Variants in OR10Z1 observed in about 807,000 individuals in gnomAD.
The protein encoded by OR10Z1 is olfactory receptor family 10 subfamily Z member 1.
For missense variants in OR10Z1, 468 were observed against 371.0 expected, an observed-to-expected ratio of 1.26 and a Z score of -2.15; for synonymous variants, 187 against 151.2, an observed-to-expected ratio of 1.24 and a Z score of -1.74.
Position 158,612,255 on chromosome 1 carries a change from G to A in OR10Z1, c.*4875G>A, listed in dbSNP as rs552910838. The stretch of plus-strand genomic sequence containing the variant: ...TTGATGACTTGATGAGTTCCTGCAC[G>A]TCCTTCAACACTCACCCTGTGTTAA... On this transcript the variant is annotated 3_prime_UTR_variant, in exon 2 of 2. Coordinates refer to ENST00000641002, the MANE Select transcript of OR10Z1 (RefSeq NM_001004478.2). 1.2e-5 allele frequency: 2 copies of A among 163,090 alleles called. No individual in the cohort carries two copies. The highest frequency in any genetic ancestry group is 2.4e-5 in the African/African-American group (1 of 41,462). 10.1% of individuals were successfully genotyped at this position (163,090 alleles called of 1,614,324 possible).
rs79308545 is a variant in OR10Z1 at position 158,606,535 on chromosome 1, T to C, written c.97T>C (p.Ser33Pro). Residue 33 changes from serine (S) to proline (P), a missense_variant, in exon 2 of 2, where the codon TCT becomes CCT. Coordinates refer to ENST00000641002, the MANE Select transcript of OR10Z1 (RefSeq NM_001004478.2). ...LQLLLFALFLSLYLVTLTSNV... is the reference protein window; with the variant it reads ...LQLLLFALFLPLYLVTLTSNV... ...GCTCCTTCTCTTTGCCTTGTTCCTC[T>C]CTCTGTATCTAGTCACTCTGACCAG... 9.6e-5 allele frequency: 155 copies of C among 1,613,804 alleles called. No homozygotes were observed. The highest frequency in any genetic ancestry group is 1.3e-4 in the Non-Finnish European group (150 of 1,179,876).
Position 158,610,265 on chromosome 1 carries a change from G to A in OR10Z1, c.*2885G>A, listed in dbSNP as rs972569076. On this transcript the variant is annotated 3_prime_UTR_variant, in exon 2 of 2. Coordinates refer to ENST00000641002, the MANE Select transcript of OR10Z1 (RefSeq NM_001004478.2). ...TGGCAACATGAATGGATTGGTAAGT[G>A]GGGACTATTTGTGCAGAACGCTAGC... 2.6e-4 allele frequency: 40 copies of A among 152,110 alleles called. No homozygotes were observed. The highest frequency in any genetic ancestry group is 9.4e-4 in the African/African-American group (39 of 41,424). 9.4% of individuals were successfully genotyped at this position (152,110 alleles called of 1,614,324 possible).
In OR10Z1 at chr1:158,607,005, T is replaced by C. The variant is rs1649071079; in HGVS notation, c.567T>C (p.Cys189=). The C allele has an allele frequency of 6.2e-7, 1 of 1,613,948 alleles. No individual in the cohort carries two copies. The highest frequency in any genetic ancestry group is 1.7e-5 in the Admixed American group (1 of 59,988). ...CDTPPVLSLA[C]GDTGPSELRI... ...CGCCACCTGTGCTGAGCCTAGCCTG[T>C]GGAGATACAGGCCCGAGTGAGCTGA... Residue 189 remains cysteine (C), a synonymous_variant, in exon 2 of 2, where the codon TGT becomes TGC. Transcript: ENST00000641002.
At position 158,607,159 on chromosome 1, in the gene OR10Z1, T is replaced by C; in HGVS notation, c.721T>C (p.Cys241Arg). The C allele has an allele frequency of 1.2e-6, 2 of 1,614,114 alleles. No homozygotes were observed. The highest frequency in any genetic ancestry group is 4.5e-5 in the East Asian group (2 of 44,872). Residue 241 changes from cysteine (C) to arginine (R), a missense_variant, in exon 2 of 2, where the codon TGT becomes CGT. Cys to Arg is a radical substitution (Grantham distance 180). Coordinates refer to ENST00000641002, the MANE Select transcript of OR10Z1 (RefSeq NM_001004478.2). ...GGGGCAGAAGAAGGCCTTCTCCACTTGTGCCTCGCACCTTACAGTGGTCAT... is the reference window on the plus strand; with the variant it reads ...GGGGCAGAAGAAGGCCTTCTCCACTCGTGCCTCGCACCTTACAGTGGTCAT... ...AEGQKKAFST[C>R]ASHLTVVIIH...
rs755449656 is a variant in OR10Z1 at position 158,606,843 on chromosome 1, C to T, written c.405C>T (p.His135=). ...GTGCTCCACTCCACTATGCCAGCCA[C>T]ATGAATCCTACCCTCTGTGCCCAGC... ...AICAPLHYAS[H]MNPTLCAQLV... Residue 135 remains histidine (H), a synonymous_variant, in exon 2 of 2, where the codon CAC becomes CAT. Transcript: ENST00000641002. 6.8e-6 allele frequency: 11 copies of T among 1,613,942 alleles called. No individual in the cohort carries two copies. In the African/African-American group the frequency reaches 1.2e-4, roughly 18 times the overall value.
rs748648712 is a variant in OR10Z1, at chr1:158,607,214, A to G, written c.776A>G (p.Tyr259Cys). 5.0e-6 allele frequency: 8 copies of G among 1,614,006 alleles called. No homozygotes were observed. The highest frequency in any genetic ancestry group is 6.8e-6 in the Non-Finnish European group (8 of 1,179,972). The change falls in exon 2 of 2, where the codon TAC becomes TGC. Residue 259 changes from tyrosine to cysteine, a missense_variant. By Grantham distance (194) the Tyr-to-Cys change is radical. Coordinates refer to ENST00000641002, the MANE Select transcript of OR10Z1 (RefSeq NM_001004478.2). Reference protein sequence around the residue: ...IIHYGCASFVYLRPKASYSLE... With the variant: ...IIHYGCASFVCLRPKASYSLE... ...CATTATGGCTGTGCTTCCTTCGTGT[A>G]CCTGAGGCCCAAAGCCAGCTACTCT...
At position 158,607,207 on chromosome 1, in the gene OR10Z1, T is replaced by G; in HGVS notation, c.769T>G (p.Phe257Val). The G allele has an allele frequency of 6.2e-7, 1 of 1,614,118 alleles. No individual in the cohort carries two copies. Among genetic ancestry groups the G allele is most frequent in the Non-Finnish European group, 8.5e-7 (1 of 1,179,970 alleles). ...VVIIHYGCAS[F>V]VYLRPKASYS... is the part of the protein sequence containing the mutation. ...CATTATTCATTATGGCTGTGCTTCC[T>G]TCGTGTACCTGAGGCCCAAAGCCAG... The change falls in exon 2 of 2, where the codon TTC (phenylalanine) becomes GTC (valine). Residue 257 changes from phenylalanine (F) to valine (V), a missense_variant. Physicochemically the swap from Phe to Val is conservative, Grantham distance 50. Coordinates refer to ENST00000641002, the MANE Select transcript of OR10Z1 (RefSeq NM_001004478.2).
Position 158,607,091 on chromosome 1 carries a change from A to G in OR10Z1, c.653A>G (p.Tyr218Cys). 6 of 1,613,658 alleles carry G rather than the reference A, an allele frequency of 3.7e-6. No homozygotes were observed. Among genetic ancestry groups the G allele is most frequent in the Non-Finnish European group, 5.1e-6 (6 of 1,179,876 alleles). ...TCCTTCTTCTTCATCACCATCTCCT[A>G]CGCCTACATCTTGGCAGCAATACTG... ...LVSFFFITISYAYILAAILRI... is the reference protein window; with the variant it reads ...LVSFFFITISCAYILAAILRI... The change falls in exon 2 of 2, where the codon TAC becomes TGC. Residue 218 changes from tyrosine (Y) to cysteine (C), a missense_variant. By Grantham distance (194) the Tyr-to-Cys change is radical (BLOSUM62 -2). Coordinates refer to ENST00000641002, the MANE Select transcript of OR10Z1 (RefSeq NM_001004478.2).
Position 158,611,109 on chromosome 1 carries a change from T to C in OR10Z1, c.*3729T>C. The C allele has an allele frequency of 1.0e-6, 1 of 972,468 alleles. No homozygotes were observed. The highest frequency in any genetic ancestry group is 1.5e-6 in the Non-Finnish European group (1 of 652,736). The allele number at this position is 972,468 out of a possible 1,614,324, so 60.2% of individuals were successfully genotyped here. A position where few individuals can be genotyped will look rare whatever the true frequency, so the allele number is the denominator to read the frequency against. On this transcript the variant is annotated 3_prime_UTR_variant, in exon 2 of 2. Coordinates refer to ENST00000641002, the MANE Select transcript of OR10Z1 (RefSeq NM_001004478.2). ...AGATTTTTTAAGATCCTACAATAAA[T>C]GTAATATGCACACAAACACAAGCAC...
rs12128171 is a variant in OR10Z1, at chr1:158,610,687, A to T, written c.*3307A>T. 6.6e-6 allele frequency: 1 copy of T among 152,484 alleles called. No homozygotes were observed. The highest frequency in any genetic ancestry group is 6.5e-5 in the Admixed American group (1 of 15,312). The allele number at this position is 152,484 out of a possible 1,614,324, so 9.4% of individuals were successfully genotyped here. A position where few individuals can be genotyped will look rare whatever the true frequency, so the allele number is the denominator to read the frequency against. On this transcript the variant is annotated 3_prime_UTR_variant, in exon 2 of 2. Transcript: ENST00000641002. Reference sequence around the variant, plus strand: ...TGATCTGTGTGTTGTTTCATTGTACAAACTAAAATATTCATGTTCCCCAGA... The same window carrying T: ...TGATCTGTGTGTTGTTTCATTGTACTAACTAAAATATTCATGTTCCCCAGA...
rs1649101038 is a variant in OR10Z1 at position 158,607,884 on chromosome 1, T to C, written c.*504T>C. 1 of 152,622 alleles carries C rather than the reference T, an allele frequency of 6.6e-6. No homozygotes were observed. Among genetic ancestry groups the C allele is most frequent in the South Asian group, 2.1e-4 (1 of 4,840 alleles). The allele number at this position is 152,622 out of a possible 1,614,324, so 9.5% of individuals were successfully genotyped here. ...CAGGTTAGTTTAAAGCTTTGTTAAA[T>C]GAACAGGTGGGTCATTTTTACTCCC... is the stretch of plus-strand genomic sequence containing the variant. On this transcript the variant is annotated 3_prime_UTR_variant, in exon 2 of 2. Coordinates refer to ENST00000641002, the MANE Select transcript of OR10Z1 (RefSeq NM_001004478.2).
rs1171081408 is a variant in OR10Z1, at chr1:158,612,437, A to C, written c.*5057A>C. On this transcript the variant is annotated 3_prime_UTR_variant, in exon 2 of 2. Coordinates refer to ENST00000641002, the MANE Select transcript of OR10Z1 (RefSeq NM_001004478.2). Reference sequence around the variant, plus strand: ...GTTTGCTTCTGTTACAGTGTTTTTAACTTGTAAAGTTCTGTCTTCCCCACT... The same window carrying C: ...GTTTGCTTCTGTTACAGTGTTTTTACCTTGTAAAGTTCTGTCTTCCCCACT... 2 of 289,516 alleles carry C rather than the reference A, an allele frequency of 6.9e-6. No homozygotes were observed. The highest frequency in any genetic ancestry group is 1.3e-5 in the Non-Finnish European group (2 of 149,972). The allele number at this position is 289,516 out of a possible 1,614,324, so 17.9% of individuals were successfully genotyped here.
Position 158,606,694 on chromosome 1 carries a change from G to A in OR10Z1, c.256G>A (p.Ala86Thr). 6.2e-7 allele frequency: 1 copy of A among 1,613,958 alleles called. No homozygotes were observed. Among genetic ancestry groups the A allele is most frequent in the East Asian group, 2.2e-5 (1 of 44,878 alleles). ...CATCCCTAGAATGCTCTCTGGCCTGGCTGGGGGGGACCAGGCTATCTCCTA... is the reference window on the plus strand; with the variant it reads ...CATCCCTAGAATGCTCTCTGGCCTGACTGGGGGGGACCAGGCTATCTCCTA... ...GIIPRMLSGLAGGDQAISYVG... is the reference protein window; with the variant it reads ...GIIPRMLSGLTGGDQAISYVG... Residue 86 changes from alanine to threonine, a missense_variant, in exon 2 of 2, where the codon GCT becomes ACT. Coordinates refer to ENST00000641002, the MANE Select transcript of OR10Z1 (RefSeq NM_001004478.2).
Position 158,606,937 on chromosome 1 carries a change from T to G in OR10Z1, c.499T>G (p.Ser167Ala), listed in dbSNP as rs756390355. 12 of 1,613,998 alleles carry G rather than the reference T, an allele frequency of 7.4e-6. No homozygotes were observed. In the East Asian group the frequency reaches 2.7e-4, roughly 36 times the overall value. Residue 167 changes from serine (S) to alanine (A), a missense_variant, in exon 2 of 2, where the codon TCA becomes GCA. Ser to Ala is a moderately conservative substitution (Grantham distance 99). Coordinates refer to ENST00000641002, the MANE Select transcript of OR10Z1 (RefSeq NM_001004478.2). Reference sequence around the variant, plus strand: ...AATGACACTAGTTATTTTCCACCTCTCATTCTGCAGCTCCCATGAAATCCA... The same window carrying G: ...AATGACACTAGTTATTTTCCACCTCGCATTCTGCAGCTCCCATGAAATCCA... The part of the protein sequence containing the change: ...LGMTLVIFHL[S>A]FCSSHEIQHF...
rs758818796 is a variant in OR10Z1, at chr1:158,607,639, G to C, written c.*259G>C. On this transcript the variant is annotated 3_prime_UTR_variant, in exon 2 of 2. Coordinates refer to ENST00000641002, the MANE Select transcript of OR10Z1 (RefSeq NM_001004478.2). Reference sequence around the variant, plus strand: ...TTCAGCCTCCTAGATGCCACCCCTAGTTACTGAAACCCATTGAGAATTAAA... The same window carrying C: ...TTCAGCCTCCTAGATGCCACCCCTACTTACTGAAACCCATTGAGAATTAAA... The C allele has an allele frequency of 2.6e-6, 1 of 378,124 alleles. No individual in the cohort carries two copies. Among genetic ancestry groups the C allele is most frequent in the Non-Finnish European group, 4.7e-6 (1 of 211,628 alleles). 23.4% of individuals were successfully genotyped at this position (378,124 alleles called of 1,614,324 possible).
At position 158,611,324 on chromosome 1, in the gene OR10Z1, AC is replaced by A. The variant is rs1421435359; in HGVS notation, c.*3948del. 3.1e-6 allele frequency: 5 copies of A among 1,613,634 alleles called. No individual in the cohort carries two copies. The highest frequency in any genetic ancestry group is 4.2e-6 in the Non-Finnish European group (5 of 1,179,812). On this transcript the variant is annotated 3_prime_UTR_variant, in exon 2 of 2. Coordinates refer to ENST00000641002, the MANE Select transcript of OR10Z1 (RefSeq NM_001004478.2). The stretch of plus-strand genomic sequence containing the variant: ...AGTCATAGCCAGAGAGATGGCTTCG[AC>A]CCCGTGGGTCCATATATTGCTGCAT...
At position 158,606,964 on chromosome 1, in the gene OR10Z1, C is replaced by A; in HGVS notation, c.526C>A (p.His176Asn). The change falls in exon 2 of 2, where the codon CAC (histidine) becomes AAC (asparagine). Residue 176 changes from histidine to asparagine, a missense_variant. Coordinates refer to ENST00000641002, the MANE Select transcript of OR10Z1 (RefSeq NM_001004478.2). The part of the protein sequence containing the change: ...LSFCSSHEIQ[H>N]FFCDTPPVLS... Reference sequence around the variant, plus strand: ...ATTCTGCAGCTCCCATGAAATCCAGCACTTTTTTTGTGACACGCCACCTGT... The same window carrying A: ...ATTCTGCAGCTCCCATGAAATCCAGAACTTTTTTTGTGACACGCCACCTGT... 6.2e-7 allele frequency: 1 copy of A among 1,614,104 alleles called. No individual in the cohort carries two copies. Among genetic ancestry groups the A allele is most frequent in the Non-Finnish European group, 8.5e-7 (1 of 1,179,994 alleles).
chr1:158,607,561 T>C lies in OR10Z1; in HGVS notation c.*181T>C. On this transcript the variant is annotated 3_prime_UTR_variant, in exon 2 of 2. Coordinates refer to ENST00000641002, the MANE Select transcript of OR10Z1 (RefSeq NM_001004478.2). ...CTTGGAATGCAGAGGCGGGGCTTCCTGCTCTGCTCACTGTGCACAACTCAA... is the reference window on the plus strand; with the variant it reads ...CTTGGAATGCAGAGGCGGGGCTTCCCGCTCTGCTCACTGTGCACAACTCAA... 1.9e-6 allele frequency: 1 copy of C among 539,650 alleles called. No homozygotes were observed. The highest frequency in any genetic ancestry group is 3.2e-6 in the Non-Finnish European group (1 of 307,820). 33.4% of individuals were successfully genotyped at this position (539,650 alleles called of 1,614,324 possible). A position where few individuals can be genotyped will look rare whatever the true frequency, so the allele number is the denominator to read the frequency against.
Position 158,606,591 on chromosome 1 carries a change from G to A in OR10Z1, c.153G>A (p.Leu51=). 6.2e-7 allele frequency: 1 copy of A among 1,613,872 alleles called. No individual in the cohort carries two copies. Among genetic ancestry groups the A allele is most frequent in the Non-Finnish European group, 8.5e-7 (1 of 1,179,816 alleles). Residue 51 remains leucine, a synonymous_variant, in exon 2 of 2, where the codon CTG becomes CTA. Coordinates refer to ENST00000641002, the MANE Select transcript of OR10Z1 (RefSeq NM_001004478.2). ...TCTTCATTATCATAGCCATCAGGCT[G>A]GATAGCCATCTGCACACCCCCATGT... ...SNVFIIIAIR[L]DSHLHTPMYL...
Sources: allele counts gnomAD v4.1 joint callset, GRCh38; gene constraint gnomAD v4.1.1; transcripts MANE v1.5; gene names NCBI Gene and HGNC (gene_info 2026-07-23, HGNC 2026-07-21).